RNGTT: variants seen among roughly 807,000 people sequenced by gnomAD.
RNGTT encodes the protein RNA guanylyltransferase and 5'-phosphatase.
RNGTT carries 33 observed loss-of-function variants against 79.3 expected under a neutral mutation model. The ratio of observed to expected loss-of-function variants is 0.42; its 90% CI spans 0.32 to 0.56. The LOEUF (loss-of-function observed/expected upper bound fraction) is 0.56, where lower values mean the gene tolerates loss of function less well. RNGTT is among the 20% of genes least tolerant of loss of function. The probability of loss-of-function intolerance (pLI) is 0.17; values close to 1 mark genes in which losing one functional copy is unlikely to be tolerated. For synonymous variants in RNGTT, 222 were observed against 235.9 expected (o/e 0.94, Z 0.54); for missense variants, 497 against 739.1 (o/e 0.67, Z 3.80).
chr6:88,652,962 G>T (rs979802851), intron 14 of RNGTT, among the ~76,000 whole-genome samples: 12 of 152,120 alleles, frequency 7.9e-5, no homozygotes, highest in African/African-American at 2.7e-4. Flanking sequence ...TCTGTAATAA[G>T]TAAAATGCAT....
chr6:88,641,156 T>A (rs183596844), intron 14 of RNGTT, among the ~76,000 whole-genome samples: 5 of 151,966 alleles, frequency 3.3e-5, no homozygotes, highest in Admixed American at 1.3e-4. Context: ...GTGGCCAAGA[T>A]AGTGAAACCC....
At chr6:88,650,102 G>C (rs891380763) in intron 14 of RNGTT, among the ~76,000 whole-genome samples, 1 of 152,140 alleles carries the variant, frequency 6.6e-6, no homozygotes, top group African/African-American at 2.4e-5. Flanking sequence ...ACTCCTAAAA[G>C]GGTCTGGGAG....
chr6:88,796,920 C>A (rs1779620405), intron 12 of RNGTT, among the ~76,000 whole-genome samples: 1 of 152,068 alleles, frequency 6.6e-6, no homozygotes, highest in African/African-American at 2.4e-5. Flanking sequence ...TCTAAAACTT[C>A]TGGAAATTTC....
chr6:88,694,899 C>T (rs1038192115), intron 13 of RNGTT, among the ~76,000 whole-genome samples: 3 of 152,116 alleles, frequency 2.0e-5, no homozygotes, highest in African/African-American at 7.2e-5. Flanking sequence ...CACATACTAG[C>T]CCCTTGATTA....
intron 13 of RNGTT, among the ~76,000 whole-genome samples, chr6:88,731,142 C>A (rs1389849433): frequency 6.6e-6 from 1 of 151,742 alleles, no homozygotes; most frequent in African/African-American, 2.4e-5. Context: ...TCTTAGAGAA[C>A]CCAAAAACAA....
intron 1 of RNGTT, 62 bp from the exon 2 acceptor site, chr6:88,941,242 A>C (rs1784837139): frequency 3.6e-6 from 4 of 1,124,856 alleles, no homozygotes; most frequent in Admixed American, 4.1e-5. Context: ...AAAATTCTAT[A>C]ATTAACAATT....
intron 13 of RNGTT, among the ~76,000 whole-genome samples, chr6:88,716,476 C>T (rs945577234): frequency 1.3e-5 from 2 of 152,144 alleles, no homozygotes; most frequent in African/African-American, 4.8e-5. Context: ...GGTACATACC[C>T]AAATGACTAT....
rs1198337508 is a variant in RNGTT at position 88,930,070 on chromosome 6, GTATACA to G, written c.175-809_175-804del. The stretch of plus-strand genomic sequence containing the variant: ...TATACATATACATGTATATGCATAT[GTATACA>G]TATACATATATACATATACGTATAT... On this transcript the variant is annotated intron_variant, in intron 2 of 15. Coordinates refer to ENST00000369485, the MANE Select transcript of RNGTT (RefSeq NM_003800.5). Among the ~76,000 whole-genome samples, 8 of 145,370 alleles carry G rather than the reference GTATACA, an allele frequency of 5.5e-5. No homozygotes were observed. The East Asian group carries it at 1.6e-3, about 29-fold the overall frequency.
chr6:88,803,744 T>C (rs1779869280), intron 11 of RNGTT, among the ~76,000 whole-genome samples: 1 of 152,072 alleles, frequency 6.6e-6, no homozygotes, highest in Non-Finnish European at 1.5e-5. Context: ...ACATCATTTA[T>C]GGCAAGTTAA....
chr6:88,928,933 A>G lies in RNGTT; in HGVS notation c.367+52T>C. On this transcript the variant is annotated intron_variant, in intron 4 of 15. Coordinates refer to ENST00000369485, the MANE Select transcript of RNGTT (RefSeq NM_003800.5). The stretch of plus-strand genomic sequence containing the variant: ...CTTATTTGCAAACAAGAAAACAGAA[A>G]CCTAACTGCAAAATAAAATATTCAA... The G allele has an allele frequency of 2.2e-6, 3 of 1,361,954 alleles. No homozygotes were observed. In the East Asian group the frequency reaches 7.0e-5, roughly 32 times the overall value. The allele number at this position is 1,361,954 out of a possible 1,614,324, so 84.4% of individuals were successfully genotyped here.
Position 88,618,046 on chromosome 6 carries a change from C to A in RNGTT, c.1507-3651G>T, listed in dbSNP as rs192782471. On this transcript the variant is annotated intron_variant, in intron 14 of 15. Coordinates refer to ENST00000369485, the MANE Select transcript of RNGTT (RefSeq NM_003800.5). Reference sequence around the variant, plus strand: ...AGCAACTGTGGTCTTTATCATATAGCTTATCATTCTTGTGTTCTCAGTTTC... The same window carrying A: ...AGCAACTGTGGTCTTTATCATATAGATTATCATTCTTGTGTTCTCAGTTTC... Among the ~76,000 whole-genome samples, 3 of 152,234 alleles carry A rather than the reference C, an allele frequency of 2.0e-5. No individual in the cohort carries two copies. In the East Asian group the frequency reaches 5.8e-4, roughly 29 times the overall value.
chr6:88,940,470 T>C (rs1784811268), intron 2 of RNGTT, among the ~76,000 whole-genome samples: 1 of 152,216 alleles, frequency 6.6e-6, no homozygotes, highest in African/African-American at 2.4e-5. Flanking sequence ...ACTTTGGTTA[T>C]GATTCTGGAT....
At chr6:88,665,176 T>C (rs1469935647) in intron 14 of RNGTT, among the ~76,000 whole-genome samples, 2 of 152,114 alleles carry the variant, frequency 1.3e-5, no homozygotes, top group East Asian at 3.9e-4. Flanking sequence ...CGACTCTTCC[T>C]AACCAAACCA....
chr6:88,765,586 C>A (rs959406434), intron 13 of RNGTT, among the ~76,000 whole-genome samples: 1 of 152,114 alleles, frequency 6.6e-6, no homozygotes, highest in African/African-American at 2.4e-5. Flanking sequence ...CATAAATCTT[C>A]AGCACAACAA....
chr6:88,941,056 A>C lies in RNGTT; in HGVS notation c.174+15T>G, dbSNP rs1250187364. 6.7e-7 allele frequency: 1 copy of C among 1,502,348 alleles called. No homozygotes were observed. The highest frequency in any genetic ancestry group is 1.4e-5 in the African/African-American group (1 of 72,276). The allele number at this position is 1,502,348 out of a possible 1,614,324, so 93.1% of individuals were successfully genotyped here. A position where few individuals can be genotyped will look rare whatever the true frequency, so the allele number is the denominator to read the frequency against. ...GTATATTAAATCAGTGACAAAAATA[A>C]ATTTTGTTTCTTACCTTTAGGCTCT... On this transcript the variant is annotated intron_variant, in intron 2 of 15. Coordinates refer to ENST00000369485, the MANE Select transcript of RNGTT (RefSeq NM_003800.5).
At chr6:88,799,159 A>G (rs939342951) in intron 12 of RNGTT, among the ~76,000 whole-genome samples, 6 of 149,022 alleles carry the variant, frequency 4.0e-5, no homozygotes, top group African/African-American at 1.5e-4. Flanking sequence ...AAAAGACCTG[A>G]AAAAAAAAAG....
intron 2 of RNGTT, 94 bp from the exon 3 acceptor site, chr6:88,929,361 T>C (rs1173061068): frequency 1.2e-5 from 9 of 743,856 alleles, no homozygotes. Flanking sequence ...GTTCATTCAT[T>C]TACATTGAGG....
intron 12 of RNGTT, among the ~76,000 whole-genome samples, chr6:88,779,678 G>A (rs1778997850): frequency 1.3e-5 from 2 of 152,074 alleles, no homozygotes; most frequent in African/African-American, 4.8e-5. Context: ...GCACCTTTAT[G>A]AAAATTAATG....
At chr6:88,896,294 T>C (rs1582595834) in intron 6 of RNGTT, among the ~76,000 whole-genome samples, 1 of 152,134 alleles carries the variant, frequency 6.6e-6, no homozygotes, top group East Asian at 1.9e-4. Flanking sequence ...CATTACAAGA[T>C]AACATCCTAC....
Sources: allele counts gnomAD v4.1 joint callset (sites outside exome capture counted in the v4.1 genomes callset), GRCh38; gene constraint gnomAD v4.1.1; transcripts MANE v1.5; gene names NCBI Gene and HGNC (gene_info 2026-07-23, HGNC 2026-07-21).